Variants in THSD7A observed in about 807,000 individuals in gnomAD.
THSD7A encodes thrombospondin type 1 domain containing 7A.
THSD7A carries 96 observed loss-of-function variants against 231.3 expected under a neutral mutation model. The observed-to-expected ratio is 0.41, with a 90% CI of 0.35 to 0.49. THSD7A has a LOEUF of 0.49. Among genes scored for constraint, THSD7A ranks in the 20% least tolerant of loss-of-function variants. THSD7A has a pLI of 0.05. For missense variants in THSD7A, 2,290 were observed against 2,070.2 expected, an observed-to-expected ratio of 1.11 and a Z score of -2.06; for synonymous variants, 940 against 743.3, an observed-to-expected ratio of 1.26 and a Z score of -4.30.
At chr7:11,708,384 A>G (rs1399987777) in intron 1 of THSD7A, among the ~76,000 whole-genome samples, 1 of 150,784 alleles carries the variant, frequency 6.6e-6, no homozygotes, top group Non-Finnish European at 1.5e-5. Flanking sequence ...CAAAATAACC[A>G]TCAATGAGTA....
At chr7:11,540,435 GA>G (rs1332539960) in intron 6 of THSD7A, among the ~76,000 whole-genome samples, 3 of 152,200 alleles carry the variant, frequency 2.0e-5, no homozygotes, top group African/African-American at 7.2e-5. Flanking sequence ...AAATAGGATG[GA>G]AAGAATTATG....
chr7:11,438,499 A>C (rs754074739), intron 13 of THSD7A, among the ~76,000 whole-genome samples: 3 of 152,050 alleles, frequency 2.0e-5, no homozygotes, highest in Admixed American at 6.6e-5. Context: ...CTACTCATTA[A>C]TGTCCAGAAA....
chr7:11,796,033 C>CATATAT lies in THSD7A; in HGVS notation c.190+35718_190+35723dup, dbSNP rs6149988. On this transcript the variant is annotated intron_variant, in intron 1 of 27. Coordinates refer to ENST00000423059, the MANE Select transcript of THSD7A (RefSeq NM_015204.3). ...GGTACTTCTTTGAAATTAAATTAGC[C>CATATAT]ATATATATATATATATATATATATA... Among the ~76,000 whole-genome samples, 262 of 107,360 alleles carry CATATAT rather than the reference C, an allele frequency of 2.4e-3. 2 individuals are homozygous for CATATAT. Among genetic ancestry groups the CATATAT allele is most frequent in the Admixed American group, 3.7e-3 (34 of 9,252 alleles). 70.4% of individuals were successfully genotyped at this position (107,360 alleles called of 152,430 possible).
At chr7:11,391,429 A>T (rs1782976706) in intron 23 of THSD7A, among the ~76,000 whole-genome samples, 2 of 152,166 alleles carry the variant, frequency 1.3e-5, no homozygotes, top group Non-Finnish European at 2.9e-5. Context: ...AAGCCTCAGT[A>T]ATGGCAGACG....
At chr7:11,469,470 T>C (rs1583800447) in intron 9 of THSD7A, among the ~76,000 whole-genome samples, 1 of 152,122 alleles carries the variant, frequency 6.6e-6, no homozygotes, top group African/African-American at 2.4e-5. Flanking sequence ...TGGGGCTGCA[T>C]AATTGAATCT....
chr7:11,782,851 T>A (rs538551033), intron 1 of THSD7A, among the ~76,000 whole-genome samples: 277 of 152,316 alleles, frequency 1.8e-3, no homozygotes, highest in Non-Finnish European at 3.4e-3. Context: ...TAGCATTTGC[T>A]GAAAGTATAT....
chr7:11,517,074 T>A (rs543229410), intron 6 of THSD7A, among the ~76,000 whole-genome samples: 8 of 152,266 alleles, frequency 5.3e-5, no homozygotes, highest in Non-Finnish European at 7.4e-5. Context: ...AATACTTCCA[T>A]ATCATTATTT....
intron 5 of THSD7A, among the ~76,000 whole-genome samples, chr7:11,541,843 A>G (rs1388623907): frequency 6.6e-6 from 1 of 152,180 alleles, no homozygotes; most frequent in Non-Finnish European, 1.5e-5. Flanking sequence ...AATGAAAAAA[A>G]ATGAGAACCT....
chr7:11,457,837 T>C (rs1013924676), intron 11 of THSD7A, among the ~76,000 whole-genome samples: 6 of 152,118 alleles, frequency 3.9e-5, no homozygotes, highest in African/African-American at 1.4e-4. Flanking sequence ...CTACTTCTTC[T>C]AATATTATGG....
chr7:11,557,318 G>T (rs1474168304), intron 4 of THSD7A, among the ~76,000 whole-genome samples: 1 of 151,860 alleles, frequency 6.6e-6, no homozygotes, highest in Non-Finnish European at 1.5e-5. Flanking sequence ...TTTCTACTTG[G>T]TTCTTTTTTA....
At chr7:11,391,964 C>G (rs1295265248) in intron 23 of THSD7A, among the ~76,000 whole-genome samples, 2 of 152,100 alleles carry the variant, frequency 1.3e-5, no homozygotes, top group Non-Finnish European at 2.9e-5. Flanking sequence ...AATTGGGTAC[C>G]TCAATTGGAA....
At chr7:11,495,112 C>T (rs1787046785) in intron 6 of THSD7A, among the ~76,000 whole-genome samples, 2 of 151,832 alleles carry the variant, frequency 1.3e-5, no homozygotes, top group South Asian at 4.1e-4. Flanking sequence ...TTTCTTTTTT[C>T]AAACTTGTAG....
chr7:11,502,375 C>T (rs1040567957), intron 6 of THSD7A, among the ~76,000 whole-genome samples: 1 of 152,092 alleles, frequency 6.6e-6, no homozygotes, highest in African/African-American at 2.4e-5. Flanking sequence ...AACATCGATG[C>T]AACTAACCTT....
intron 1 of THSD7A, among the ~76,000 whole-genome samples, chr7:11,692,569 T>G (rs1489186979): frequency 6.6e-6 from 1 of 151,592 alleles, no homozygotes. Context: ...AAAGCTACTC[T>G]GGTGTGAAGA....
intron 11 of THSD7A, among the ~76,000 whole-genome samples, chr7:11,458,791 G>T (rs1183267070): frequency 6.6e-6 from 1 of 152,298 alleles, no homozygotes; most frequent in East Asian, 1.9e-4. Context: ...TGCAAAGGTT[G>T]CTGGTAATCA....
chr7:11,469,781 C>T (rs1465785303), intron 9 of THSD7A, 98 bp downstream of exon 9: 1 of 760,554 alleles, frequency 1.3e-6, no homozygotes, highest in African/African-American at 1.7e-5. Flanking sequence ...TTACATAGCC[C>T]TGTGCAAAAC....
chr7:11,705,241 A>G (rs1053752732), intron 1 of THSD7A, among the ~76,000 whole-genome samples: 1 of 151,050 alleles, frequency 6.6e-6, no homozygotes, highest in East Asian at 2.0e-4. Flanking sequence ...GCCTCATTAT[A>G]ATTGTATTTG....
chr7:11,408,691 G>A (rs572004503), intron 19 of THSD7A, among the ~76,000 whole-genome samples: 4 of 152,016 alleles, frequency 2.6e-5, no homozygotes, highest in South Asian at 4.2e-4. Flanking sequence ...GAAACATTAC[G>A]TTGTGTTTCA....
Position 11,541,565 on chromosome 7 carries a change from C to T in THSD7A, c.1676G>A (p.Cys559Tyr). ...PTGGSGVTGN[C>Y]PHLLEAIPCE... ...GGGAATGGCTTCCAGTAAGTGAGGG[C>T]AGTTTCCGGTTACCCCAGAGCCTCC... The change falls in exon 6 of 28, where the codon TGC becomes TAC. Residue 559 changes from cysteine (C) to tyrosine (Y), a missense_variant. Physicochemically the swap from Cys to Tyr is radical, Grantham distance 194. Coordinates refer to ENST00000423059, the MANE Select transcript of THSD7A (RefSeq NM_015204.3). 6.2e-7 allele frequency: 1 copy of T among 1,613,948 alleles called. No homozygotes were observed. The highest frequency in any genetic ancestry group is 2.2e-5 in the East Asian group (1 of 44,872).
Sources: gnomAD v4.1 joint callset for allele counts (sites outside exome capture counted in the v4.1 genomes callset) on GRCh38, gnomAD v4.1.1 for gene constraint, MANE v1.5 for transcripts, NCBI Gene and HGNC (gene_info 2026-07-23, HGNC 2026-07-21) for gene names.